The following TSHR variants were observed in gnomAD, a reference collection of about 807,000 sequenced individuals.
The protein encoded by TSHR is thyrotropin receptor.
A neutral mutation model predicts 64.1 loss-of-function variants in TSHR; 51 were observed. The ratio of observed to expected loss-of-function variants is 0.80; its 90% CI spans 0.64 to 1.01. TSHR has a LOEUF of 1.01. Among genes scored for constraint, TSHR ranks in the 50% least tolerant of loss-of-function variants. The probability of loss-of-function intolerance (pLI) is 0.00; values close to 1 mark genes in which losing one functional copy is unlikely to be tolerated. For synonymous variants in TSHR, 361 were observed against 361.9 expected (o/e 1.00, Z 0.03); for missense variants, 877 against 942.8 (o/e 0.93, Z 0.91).
intron 3 of TSHR, among the ~76,000 whole-genome samples, chr14:81,072,103 T>A (rs1887115479): frequency 6.6e-6 from 1 of 152,230 alleles, no homozygotes; most frequent in African/African-American, 2.4e-5. Context: ...TGTGCATCTG[T>A]TATTTACATA....
chr14:81,010,028 C>G (rs1449072450), intron 1 of TSHR, among the ~76,000 whole-genome samples: 2 of 152,118 alleles, frequency 1.3e-5, no homozygotes, highest in African/African-American at 4.8e-5. Context: ...ATATCCTCAC[C>G]ATATCCTCAG....
intron 3 of TSHR, among the ~76,000 whole-genome samples, chr14:81,078,231 T>C (rs1234243568): frequency 3.3e-5 from 5 of 152,236 alleles, no homozygotes; most frequent in African/African-American, 9.6e-5. Flanking sequence ...GCAAATTTTC[T>C]GAGGTTTTAT....
intron 1 of TSHR, chr14:80,982,479 G>A (rs538547103): frequency 1.9e-6 from 2 of 1,071,288 alleles, no homozygotes; most frequent in South Asian, 2.6e-5. Flanking sequence ...CTAGGTCTGG[G>A]GCTGAGGAAG....
intron 8 of TSHR, among the ~76,000 whole-genome samples, chr14:81,114,816 C>T (rs1055671235): frequency 1.3e-5 from 2 of 152,336 alleles, no homozygotes. Flanking sequence ...GTTCTACCAG[C>T]ACGCAGCTGG....
chr14:81,015,764 A>G (rs59484155), intron 1 of TSHR, among the ~76,000 whole-genome samples: 80,122 of 151,790 alleles, frequency 0.53, 24,279 homozygotes, highest in Non-Finnish European at 0.67. Flanking sequence ...TCCTTTCACC[A>G]ACATTTCCCC....
chr14:80,973,181 G>A (rs1159908758), intron 1 of TSHR, among the ~76,000 whole-genome samples: 4 of 151,924 alleles, frequency 2.6e-5, no homozygotes, highest in Non-Finnish European at 4.4e-5. Flanking sequence ...CGAGGAGGGC[G>A]GATCACGAGG....
At chr14:81,109,055 T>C in intron 8 of TSHR, 4 of 1,095,508 alleles carry the variant, frequency 3.7e-6, no homozygotes, top group Non-Finnish European at 4.6e-6. Flanking sequence ...ACCTTCCTCA[T>C]TCCCTTGGTT....
intron 1 of TSHR, among the ~76,000 whole-genome samples, chr14:81,028,922 G>T (rs1159228019): frequency 6.6e-6 from 1 of 151,810 alleles, no homozygotes; most frequent in African/African-American, 2.4e-5. Flanking sequence ...TGGTAAGGTT[G>T]ATTGAGGAAA....
rs549087681 is a variant in TSHR at position 81,103,418 on chromosome 14, T to C, written c.615-4957T>C. On this transcript the variant is annotated intron_variant, in intron 7 of 9. Coordinates refer to ENST00000298171, the MANE Select transcript of TSHR (RefSeq NM_000369.5). The surrounding 1 kb of genome is among the most constrained non-coding windows in gnomAD (Gnocchi z 4.1). ...CCAAAAGAGCAATCATCCCCTATCA[T>C]TCCACTTCATGACAATTTACTGAAA... 1.0e-6 allele frequency: 1 copy of C among 985,468 alleles called. No homozygotes were observed. The highest frequency in any genetic ancestry group is 6.1e-5 in the Admixed American group (1 of 16,286). The allele number at this position is 985,468 out of a possible 1,614,324, so 61.0% of individuals were successfully genotyped here. A position where few individuals can be genotyped will look rare whatever the true frequency, so the allele number is the denominator to read the frequency against.
chr14:80,982,054 A>G, intron 1 of TSHR: 1 of 478,426 alleles, frequency 2.1e-6, no homozygotes, highest in Non-Finnish European at 4.0e-6. Flanking sequence ...ATACAAGCTA[A>G]AGCTGGAGAA....
intron 8 of TSHR, among the ~76,000 whole-genome samples, chr14:81,116,846 T>C (rs1268668012): frequency 3.3e-5 from 5 of 150,022 alleles, no homozygotes; most frequent in African/African-American, 1.2e-4. Flanking sequence ...CAGACCACAG[T>C]GCAATCAAAC....
intron 1 of TSHR, among the ~76,000 whole-genome samples, chr14:81,011,213 TTTC>T (rs1402884245): frequency 3.1e-5 from 3 of 97,198 alleles, no homozygotes; most frequent in African/African-American, 7.7e-5. Context: ...CTTCCTTTCT[TTTC>T]TTCTTTCTTT....
At position 81,144,252 on chromosome 14, in the gene TSHR, C is replaced by A; in HGVS notation, c.2194C>A (p.Leu732Ile). The A allele has an allele frequency of 6.2e-7, 1 of 1,613,754 alleles. No homozygotes were observed. The highest frequency in any genetic ancestry group is 8.5e-7 in the Non-Finnish European group (1 of 1,179,830). Residue 732 changes from leucine (L) to isoleucine (I), a missense_variant, in exon 10 of 10, where the codon CTC becomes ATC. By Grantham distance (5) the Leu-to-Ile change is conservative. Transcript: ENST00000298171. ...QKVTHEMRQG[L>I]HNMEDVYELI... Reference sequence around the variant, plus strand: ...GGTTACCCACGAGATGAGGCAGGGTCTCCACAACATGGAAGATGTCTATGA... The same window carrying A: ...GGTTACCCACGAGATGAGGCAGGGTATCCACAACATGGAAGATGTCTATGA...
Position 81,106,668 on chromosome 14 carries a change from G to A in TSHR, c.615-1707G>A, listed in dbSNP as rs149108815. ...CTCTATTTAAGAAGAAAATTGGGCC[G>A]GCACGGTGGCTCATGCCTGTAATCC... On this transcript the variant is annotated intron_variant, in intron 7 of 9. Coordinates refer to ENST00000298171, the MANE Select transcript of TSHR (RefSeq NM_000369.5). Among the ~76,000 whole-genome samples, 168 of 152,220 alleles carry A rather than the reference G, an allele frequency of 1.1e-3. 1 individual carries two copies. Among genetic ancestry groups the A allele is most frequent in the African/African-American group, 3.9e-3 (160 of 41,526 alleles).
chr14:81,004,762 CTT>C (rs1456197599), intron 1 of TSHR, among the ~76,000 whole-genome samples: 3 of 152,188 alleles, frequency 2.0e-5, no homozygotes, highest in Non-Finnish European at 1.5e-5. Context: ...GCCCCTCACT[CTT>C]TGATTTGCTG....
At position 81,084,688 on chromosome 14, in the gene TSHR, T is replaced by A. The variant is rs186769709; in HGVS notation, c.318-3266T>A. 8.5e-5 allele frequency among the ~76,000 whole-genome samples: 13 copies of A among 152,312 alleles called. No individual in the cohort carries two copies. In the East Asian group the frequency reaches 2.5e-3, roughly 29 times the overall value. On this transcript the variant is annotated intron_variant, in intron 3 of 9. Transcript: ENST00000298171. ...CTGGAGGGCATCTCCATTCCTAGTG[T>A]GCTGTATTACAAACAGCTTTTCTTT...
At chr14:80,974,723 A>G (rs992146667) in intron 1 of TSHR, among the ~76,000 whole-genome samples, 18 of 152,196 alleles carry the variant, frequency 1.2e-4, no homozygotes, top group African/African-American at 4.3e-4. Flanking sequence ...TATAGAAAGT[A>G]TGTATTTCAT....
rs887311027 is a variant in TSHR at position 81,072,794 on chromosome 14, G to A, written c.317+4466G>A. 4.4e-5 allele frequency among the ~76,000 whole-genome samples: 6 copies of A among 137,510 alleles called. 1 individual carries two copies. Among genetic ancestry groups the A allele is most frequent in the African/African-American group, 6.8e-5 (2 of 29,558 alleles). The allele number at this position is 137,510 out of a possible 152,430, so 90.2% of individuals were successfully genotyped here. On this transcript the variant is annotated intron_variant, in intron 3 of 9. Transcript: ENST00000298171. ...GGGCGGATCACGAGGTCAGGAGATC[G>A]AGACCATCCCGGCTAAAACGGTGAA...
At chr14:81,137,478 A>G (rs1451764807) in intron 8 of TSHR, among the ~76,000 whole-genome samples, 3 of 152,192 alleles carry the variant, frequency 2.0e-5, no homozygotes, top group African/African-American at 4.8e-5. Flanking sequence ...AGCCACAGCA[A>G]CAGTCCCAGC....
Sources: gnomAD v4.1 joint callset for allele counts (sites outside exome capture counted in the v4.1 genomes callset) on GRCh38, gnomAD v4.1.1 for gene constraint, Gnocchi (gnomAD v3.1) non-coding constraint, MANE v1.5 for transcripts, NCBI Gene and HGNC (gene_info 2026-07-23, HGNC 2026-07-21) for gene names.